Variants in TOPORS observed in about 807,000 individuals in gnomAD.
TOPORS encodes the protein TOP1 binding arginine/serine rich protein, E3 ubiquitin ligase.
Under a neutral mutation model 81.4 loss-of-function variants are expected in TOPORS, and 25 were observed. The ratio of observed to expected loss-of-function variants is 0.31; its 90% CI spans 0.22 to 0.43. TOPORS has a LOEUF of 0.43. TOPORS is among the 20% of genes least tolerant of loss of function. The pLI, the probability that TOPORS is intolerant of heterozygous loss-of-function variation, is 1.00. For missense variants in TOPORS, 1,101 were observed against 1,267.0 expected (o/e 0.87, Z 1.99); for synonymous variants, 473 against 456.6 (o/e 1.04, Z -0.46).
In TOPORS at chr9:32,543,281, G is replaced by T; in HGVS notation, c.1244C>A (p.Pro415Gln). Residue 415 changes from proline (P) to glutamine (Q), a missense_variant, in exon 3 of 3, where the codon CCA (proline) becomes CAA (glutamine). Pro to Gln is a moderately conservative substitution (Grantham distance 76, BLOSUM62 -1). This residue lies in a region of TOPORS where 103 missense variants were observed against 112.1 expected (regional missense o/e 0.92). Coordinates refer to ENST00000360538, the MANE Select transcript of TOPORS (RefSeq NM_005802.5). The surrounding 1 kb of genome is among the most constrained non-coding windows in gnomAD (Gnocchi z 5.6). ...DINVATVSQA[P>Q]WDDETPGPSY... ...TGGTCCTGGAGTTTCATCATCCCAT[G>T]GTGCCTGACTAACAGTGGCTACATT... The T allele has an allele frequency of 6.2e-7, 1 of 1,613,962 alleles. No homozygotes were observed. The highest frequency in any genetic ancestry group is 1.3e-5 in the African/African-American group (1 of 75,040).
intron 2 of TOPORS, among the ~76,000 whole-genome samples, chr9:32,547,960 T>G (rs562985461): frequency 1.3e-5 from 2 of 150,466 alleles, no homozygotes; most frequent in African/African-American, 4.9e-5. Flanking sequence ...GCCTTCCCAG[T>G]AGTAGCTGGG....
Position 32,542,591 on chromosome 9 carries a change from C to G in TOPORS, c.1934G>C (p.Arg645Thr), listed in dbSNP as rs1436703294. The G allele has an allele frequency of 6.2e-7, 1 of 1,614,098 alleles. No individual in the cohort carries two copies. Among genetic ancestry groups the G allele is most frequent in the Non-Finnish European group, 8.5e-7 (1 of 1,180,022 alleles). Residue 645 changes from arginine to threonine, a missense_variant, in exon 3 of 3, where the codon AGA (arginine) becomes ACA (threonine). Coordinates refer to ENST00000360538, the MANE Select transcript of TOPORS (RefSeq NM_005802.5). ...CCAACTGCTATCTCTAGTTCTTGATCTCTTTTTGTCTCTTCTCCCTCTAGG... is the reference window on the plus strand; with the variant it reads ...CCAACTGCTATCTCTAGTTCTTGATGTCTTTTTGTCTCTTCTCCCTCTAGG... ...SRPRGRRDKK[R>T]SRTRDSSWSR...
Position 32,541,556 on chromosome 9 carries a change from G to T in TOPORS, c.2969C>A (p.Ala990Asp), listed in dbSNP as rs1243896518. Residue 990 changes from alanine to aspartate, a missense_variant, in exon 3 of 3, where the codon GCT becomes GAT. This residue lies in a region of TOPORS where 605 missense variants were observed against 636.1 expected (regional missense o/e 0.95). Coordinates refer to ENST00000360538, the MANE Select transcript of TOPORS (RefSeq NM_005802.5). ...KTVDNIPPLA[A>D]SVEQTLDVRE... ...TACATCGAGAGTTTGTTCAACTGAA[G>T]CTGCCAGAGGTGGAATATTATCTAC... 6.2e-7 allele frequency: 1 copy of T among 1,614,198 alleles called. No homozygotes were observed. Among genetic ancestry groups the T allele is most frequent in the South Asian group, 1.1e-5 (1 of 91,080 alleles).
rs1173224879 is a variant in TOPORS at position 32,541,811 on chromosome 9, G to A, written c.2714C>T (p.Pro905Leu). The A allele has an allele frequency of 1.9e-6, 3 of 1,614,134 alleles. No homozygotes were observed. Among genetic ancestry groups the A allele is most frequent in the Non-Finnish European group, 2.5e-6 (3 of 1,180,016 alleles). ...GTCACTGTCAATGGTAATTACAACT[G>A]GGGAACGTGAAGCATTATCTCCATG... ...KHHGDNASRS[P>L]VVITIDSDSD... The change falls in exon 3 of 3, where the codon CCA becomes CTA. Residue 905 changes from proline (P) to leucine (L), a missense_variant. Pro to Leu is a moderately conservative substitution (Grantham distance 98). Around this residue, in one of 9 missense-constraint regions of TOPORS, gnomAD observed 605 missense variants for 636.1 expected, o/e 0.95. Coordinates refer to ENST00000360538, the MANE Select transcript of TOPORS (RefSeq NM_005802.5).
rs575368851 is a variant in TOPORS at position 32,550,711 on chromosome 9, C to A, written c.198+63G>T. ...TCGGGTCCCGAGGCGCCGCTCCAGGCGGGAGCGCCAACTCCCACGGCCCTT... is the reference window on the plus strand; with the variant it reads ...TCGGGTCCCGAGGCGCCGCTCCAGGAGGGAGCGCCAACTCCCACGGCCCTT... On this transcript the variant is annotated intron_variant, in intron 2 of 2. Coordinates refer to ENST00000360538, the MANE Select transcript of TOPORS (RefSeq NM_005802.5). The A allele has an allele frequency of 1.0e-3, 1,649 of 1,587,720 alleles. 12 individuals carry two copies. In the African/African-American group the frequency reaches 0.02, roughly 19 times the overall value.
chr9:32,544,576 G>A (rs1483973243), intron 2 of TOPORS, among the ~76,000 whole-genome samples: 1 of 152,198 alleles, frequency 6.6e-6, no homozygotes, highest in Non-Finnish European at 1.5e-5. Context: ...GTGCCAGTTA[G>A]TATCTCTGTG....
rs2118968364 is a variant in TOPORS at position 32,543,362 on chromosome 9, T to C, written c.1163A>G (p.Asp388Gly). 1 of 1,614,110 alleles carries C rather than the reference T, an allele frequency of 6.2e-7. No homozygotes were observed. Among genetic ancestry groups the C allele is most frequent in the East Asian group, 2.2e-5 (1 of 44,880 alleles). ...APSYEEGSHS[D>G]SSVITISPDE... is the part of the protein sequence containing the mutation. ...TGGAGATATTGTTATGACTGAAGAA[T>C]CAGAATGGCTGCCTTCTTCGTATGA... Residue 388 changes from aspartate to glycine, a missense_variant, in exon 3 of 3, where the codon GAT becomes GGT. Physicochemically the swap from Asp to Gly is moderately conservative, Grantham distance 94 (BLOSUM62 -1). This residue lies in a region of TOPORS where 103 missense variants were observed against 112.1 expected (regional missense o/e 0.92). Coordinates refer to ENST00000360538, the MANE Select transcript of TOPORS (RefSeq NM_005802.5). This position sits in a 1 kb window ranked among gnomAD's most constrained non-coding sequence, Gnocchi z 5.6.
rs973731128 is a variant in TOPORS, at chr9:32,549,314, AT to A, written c.198+1459del. Among the ~76,000 whole-genome samples the A allele has an allele frequency of 4.5e-4, 69 of 152,350 alleles. No homozygotes were observed. The East Asian group carries it at 0.012, about 27-fold the overall frequency. ...AGAGCAAGACTCCGTCTCAAAAAAA[AT>A]AAATCAATAAAAATCAAAAGTCATC... On this transcript the variant is annotated intron_variant, in intron 2 of 2. Transcript: ENST00000360538.
rs140126403 is a variant in TOPORS, at chr9:32,542,508, G to A, written c.2017C>T (p.Arg673Cys). 62 of 1,613,784 alleles carry A rather than the reference G, an allele frequency of 3.8e-5. No individual in the cohort carries two copies. The highest frequency in any genetic ancestry group is 1.6e-4 in the Middle Eastern group (1 of 6,062). ...SSESTSRSRS[R>C]SSDHGKRRSR... is the part of the protein sequence containing the mutation. ...CTTCTTTTACCATGATCACTGCTAC[G>A]AGACCTTGATCTGCTTGTGCTTTCA... is the stretch of plus-strand genomic sequence containing the variant. Residue 673 changes from arginine (R) to cysteine (C), a missense_variant, in exon 3 of 3, where the codon CGT becomes TGT. Arg to Cys is a radical substitution (Grantham distance 180). Transcript: ENST00000360538.
rs537145680 is a variant in TOPORS at position 32,541,436 on chromosome 9, C to T, written c.3089G>A (p.Arg1030Gln). 1.2e-5 allele frequency: 20 copies of T among 1,614,112 alleles called. No individual in the cohort carries two copies. Among genetic ancestry groups the T allele is most frequent in the South Asian group, 1.1e-4 (10 of 91,080 alleles). The change falls in exon 3 of 3, where the codon CGG becomes CAG. Residue 1030 changes from arginine to glutamine, a missense_variant. By Grantham distance (43) the Arg-to-Gln change is conservative (BLOSUM62 1). Coordinates refer to ENST00000360538, the MANE Select transcript of TOPORS (RefSeq NM_005802.5). ...AAGACATACTGACATTAATGATGTC[C>T]GTGGCGATGGCAATTGCCTTGATGG... ...TEPSRQLPSP[R>Q]TSLMSVCLGR...
At position 32,550,978 on chromosome 9, in the gene TOPORS, A is replaced by T; in HGVS notation, c.4-10T>A. 6.2e-7 allele frequency: 1 copy of T among 1,609,210 alleles called. No homozygotes were observed. The highest frequency in any genetic ancestry group is 8.5e-7 in the Non-Finnish European group (1 of 1,179,752). On this transcript the variant is annotated splice_polypyrimidine_tract_variant and intron_variant, in intron 1 of 2. Transcript: ENST00000360538. ...GCGGCGGCTGCGACCCCTGTGACGC[A>T]AAGGGCTCATCACCAATGGCAGCTC...
chr9:32,551,057 A>G (rs1437886446), intron 1 of TOPORS, 89 bp from the exon 2 acceptor site: 2 of 1,416,012 alleles, frequency 1.4e-6, no homozygotes, highest in African/African-American at 2.8e-5. Flanking sequence ...ATCAAAACAC[A>G]ACACCCGCCT....
rs1245661326 is a variant in TOPORS at position 32,544,111 on chromosome 9, G to A, written c.414C>T (p.Cys138=). 3 of 1,614,034 alleles carry A rather than the reference G, an allele frequency of 1.9e-6. No homozygotes were observed. The highest frequency in any genetic ancestry group is 3.3e-5 in the Admixed American group (2 of 60,004). Reference sequence around the variant, plus strand: ...AATCAAAGGGCTGTTTACATAGTGGGCATTCAGCTTTGTTTTTTGACCACT... The same window carrying A: ...AATCAAAGGGCTGTTTACATAGTGGACATTCAGCTTTGTTTTTTGACCACT... ...VQEWSKNKAE[C]PLCKQPFDSI... is the part of the protein sequence containing the mutation. The change falls in exon 3 of 3, where the codon TGC becomes TGT. Residue 138 remains cysteine, a synonymous_variant. Coordinates refer to ENST00000360538, the MANE Select transcript of TOPORS (RefSeq NM_005802.5).
In TOPORS at chr9:32,550,887, G is replaced by T; in HGVS notation, c.85C>A (p.Arg29=). 1.9e-6 allele frequency: 3 copies of T among 1,613,042 alleles called. No individual in the cohort carries two copies. The highest frequency in any genetic ancestry group is 2.5e-6 in the Non-Finnish European group (3 of 1,179,804). ...PPPAPASEGR[R]RSRRVRLRGS... is the part of the protein sequence containing the mutation. ...CGAAGGCGTACCCGGCGACTTCTCC[G>T]CCTACCCTCCGAAGCGGGAGCAGGC... Residue 29 remains arginine, a synonymous_variant, in exon 2 of 3, where the codon CGG becomes AGG. Transcript: ENST00000360538.
At position 32,544,163 on chromosome 9, in the gene TOPORS, T is replaced by A; in HGVS notation, c.362A>T (p.His121Leu). The change falls in exon 3 of 3, where the codon CAT becomes CTT. Residue 121 changes from histidine (H) to leucine (L), a missense_variant. Physicochemically the swap from His to Leu is moderately conservative, Grantham distance 99 (BLOSUM62 -3). This residue lies in a region of TOPORS where 48 missense variants were observed against 73.3 expected (regional missense o/e 0.65). Transcript: ENST00000360538. ...DNVSYLDRCL[H>L]KFCFRCVQEW... ...CTGTACACAGCGAAAACAGAACTTA[T>A]GTAAGCAGCGATCTAAGTAAGACAC... 1 of 1,613,986 alleles carries A rather than the reference T, an allele frequency of 6.2e-7. No homozygotes were observed. Among genetic ancestry groups the A allele is most frequent in the Non-Finnish European group, 8.5e-7 (1 of 1,180,042 alleles).
Position 32,544,251 on chromosome 9 carries a change from T to C in TOPORS, c.274A>G (p.Thr92Ala). ...TCAGGAGATGCATCAGCTGGTACTG[T>C]CTGTTGCAATTTGCTAGTGCCAGCT... ...PKAGTSKLQQ[T>A]VPADASPDSK... is the part of the protein sequence containing the mutation. Residue 92 changes from threonine (T) to alanine (A), a missense_variant, in exon 3 of 3, where the codon ACA becomes GCA. Physicochemically the swap from Thr to Ala is moderately conservative, Grantham distance 58. Transcript: ENST00000360538. The C allele has an allele frequency of 6.2e-7, 1 of 1,608,842 alleles. No individual in the cohort carries two copies. Among genetic ancestry groups the C allele is most frequent in the Non-Finnish European group, 8.5e-7 (1 of 1,179,968 alleles).
intron 2 of TOPORS, 43 bp from the exon 3 acceptor site, chr9:32,544,369 G>A (rs1821115686): frequency 6.4e-7 from 1 of 1,574,592 alleles, no homozygotes; most frequent in East Asian, 2.2e-5. Context: ...GATAATAGAG[G>A]AATGACTAAA....
At position 32,541,569 on chromosome 9, in the gene TOPORS, GAAT is replaced by G; in HGVS notation, c.2953_2955del (p.Ile985del). 6.2e-7 allele frequency: 1 copy of G among 1,614,196 alleles called. No homozygotes were observed. The highest frequency in any genetic ancestry group is 8.5e-7 in the Non-Finnish European group (1 of 1,180,024). ...TGTTCAACTGAAGCTGCCAGAGGTG[GAAT>G]ATTATCTACAGTTTTGTTGGCATTA... On this transcript the variant is annotated inframe_deletion, in exon 3 of 3. Coordinates refer to ENST00000360538, the MANE Select transcript of TOPORS (RefSeq NM_005802.5).
In TOPORS at chr9:32,541,270, T is replaced by A; in HGVS notation, c.*117A>T. 2 of 1,027,622 alleles carry A rather than the reference T, an allele frequency of 1.9e-6. No individual in the cohort carries two copies. Among genetic ancestry groups the A allele is most frequent in the South Asian group, 1.5e-5 (1 of 67,180 alleles). 63.7% of individuals were successfully genotyped at this position (1,027,622 alleles called of 1,614,324 possible). A position where few individuals can be genotyped will look rare whatever the true frequency, so the allele number is the denominator to read the frequency against. On this transcript the variant is annotated 3_prime_UTR_variant, in exon 3 of 3. Transcript: ENST00000360538. ...ACCAAAAAAAAAATCATTTAAAATA[T>A]TGTAAGGAGGAAGAGAGTTTTCACC...
Sources: allele counts gnomAD v4.1 joint callset (sites outside exome capture counted in the v4.1 genomes callset), GRCh38; gene constraint gnomAD v4.1.1; regional missense constraint gnomAD v4.1.1; non-coding constraint Gnocchi (gnomAD v3.1); transcripts MANE v1.5; gene names NCBI Gene and HGNC (gene_info 2026-07-23, HGNC 2026-07-21).